Variants in NECAB1 observed in about 807,000 individuals in gnomAD.
NECAB1 encodes the protein N-terminal EF-hand calcium binding protein 1.
In NECAB1, 29 loss-of-function variants were observed where a neutral mutation model predicts 57.5. The observed-to-expected ratio is 0.50, with a 90% CI of 0.38 to 0.69. The LOEUF (loss-of-function observed/expected upper bound fraction) is 0.69. NECAB1 is among the 30% of genes least tolerant of loss of function. The pLI, the probability that NECAB1 is intolerant of heterozygous loss-of-function variation, is 0.00. For missense variants in NECAB1, 372 were observed against 413.8 expected (o/e 0.90, Z 0.88); for synonymous variants, 142 against 147.7 (o/e 0.96, Z 0.28).
intron 8 of NECAB1, among the ~76,000 whole-genome samples, chr8:90,930,359 T>G (rs1223675202): frequency 6.6e-6 from 1 of 152,210 alleles, no homozygotes; most frequent in East Asian, 1.9e-4. Flanking sequence ...CAATTAATTG[T>G]ACCATTAACA....
chr8:90,805,026 G>T (rs1811824897), intron 2 of NECAB1, among the ~76,000 whole-genome samples: 1 of 152,168 alleles, frequency 6.6e-6, no homozygotes, highest in Non-Finnish European at 1.5e-5. Context: ...TTTTTCTTCT[G>T]TGATGACTTG....
intron 3 of NECAB1, among the ~76,000 whole-genome samples, chr8:90,846,908 C>T (rs1001672622): frequency 6.6e-6 from 1 of 152,046 alleles, no homozygotes; most frequent in Non-Finnish European, 1.5e-5. Flanking sequence ...ATGGGAGCTA[C>T]AATTCAAGAT....
chr8:90,795,395 G>A (rs973505348), intron 1 of NECAB1, among the ~76,000 whole-genome samples: 1 of 152,084 alleles, frequency 6.6e-6, no homozygotes, highest in African/African-American at 2.4e-5. Context: ...TGCTAAAGAG[G>A]GAAAGAGGCT....
intron 5 of NECAB1, among the ~76,000 whole-genome samples, chr8:90,894,139 G>A (rs999055515): frequency 2.0e-5 from 3 of 152,118 alleles, no homozygotes; most frequent in African/African-American, 7.2e-5. Flanking sequence ...ATCATATAAA[G>A]TGGACAAATA....
intron 5 of NECAB1, among the ~76,000 whole-genome samples, chr8:90,906,891 A>ATATATATATGTATATATATATGTG (rs1809680511): frequency 8.8e-6 from 1 of 113,414 alleles, no homozygotes; most frequent in African/African-American, 4.0e-5. Context: ...ATATATATAT[A>ATATATATATGTATATATATATGTG]TATATATATA....
rs535653281 is a variant in NECAB1, at chr8:90,895,185, A to G, written c.357+14055A>G. Among the ~76,000 whole-genome samples, 539 of 152,362 alleles carry G rather than the reference A, an allele frequency of 3.5e-3. 4 individuals are homozygous for G. The highest frequency in any genetic ancestry group is 6.5e-3 in the Non-Finnish European group (444 of 68,026). ...AAAGGAACAACTAAAAGGGAAGCAC[A>G]GCACCTAGTCAGCCATCTCCTTGTT... On this transcript the variant is annotated intron_variant, in intron 5 of 12. Transcript: ENST00000417640.
chr8:90,908,528 CAA>C (rs1437191259), intron 5 of NECAB1, among the ~76,000 whole-genome samples: 2 of 152,028 alleles, frequency 1.3e-5, no homozygotes, highest in African/African-American at 4.8e-5. Context: ...TACTGCCTGC[CAA>C]AGAGTCCTGT....
intron 3 of NECAB1, among the ~76,000 whole-genome samples, chr8:90,836,303 G>A (rs1178688727): frequency 6.6e-6 from 1 of 152,108 alleles, no homozygotes; most frequent in African/African-American, 2.4e-5. Context: ...CTCTTAAAAG[G>A]TTTCTCACTG....
intron 9 of NECAB1, among the ~76,000 whole-genome samples, chr8:90,936,709 A>G (rs1169348441): frequency 6.6e-6 from 1 of 152,198 alleles, no homozygotes; most frequent in African/African-American, 2.4e-5. Context: ...GCACACAGCA[A>G]AAGTCCTGAA....
Position 90,881,087 on chromosome 8 carries a change from A to T in NECAB1, c.314A>T (p.Asp105Val). The T allele has an allele frequency of 6.2e-7, 1 of 1,607,882 alleles. No homozygotes were observed. The highest frequency in any genetic ancestry group is 8.5e-7 in the Non-Finnish European group (1 of 1,177,006). Reference sequence around the variant, plus strand: ...GAGAATGTACTAGCAGCACTTGAAGACCTGAATCTTTCCATCCTGAAGGCA... The same window carrying T: ...GAGAATGTACTAGCAGCACTTGAAGTCCTGAATCTTTCCATCCTGAAGGCA... Reference protein sequence around the residue: ...EYENVLAALEDLNLSILKAMG... With the variant: ...EYENVLAALEVLNLSILKAMG... Residue 105 changes from aspartate (D) to valine (V), a missense_variant, in exon 5 of 13, where the codon GAC becomes GTC. By Grantham distance (152) the Asp-to-Val change is radical. Transcript: ENST00000417640.
intron 2 of NECAB1, among the ~76,000 whole-genome samples, chr8:90,811,812 G>A (rs541990451): frequency 6.6e-6 from 1 of 152,170 alleles, no homozygotes; most frequent in Non-Finnish European, 1.5e-5. Context: ...AGAATAAAGA[G>A]AGAATTTCTC....
intron 8 of NECAB1, among the ~76,000 whole-genome samples, chr8:90,929,316 G>A (rs1376334636): frequency 6.6e-6 from 1 of 152,140 alleles, no homozygotes; most frequent in Non-Finnish European, 1.5e-5. Flanking sequence ...CTTAAAAATG[G>A]TGACTTAATT....
chr8:90,925,205 C>T (rs1810230602), intron 6 of NECAB1, among the ~76,000 whole-genome samples: 1 of 152,022 alleles, frequency 6.6e-6, no homozygotes, highest in African/African-American at 2.4e-5. Flanking sequence ...AGAAAAAACT[C>T]CATAAGTGTT....
At chr8:90,883,812 T>G (rs920894114) in intron 5 of NECAB1, among the ~76,000 whole-genome samples, 4 of 152,216 alleles carry the variant, frequency 2.6e-5, no homozygotes, top group Admixed American at 1.3e-4. Flanking sequence ...ATTTGGAATG[T>G]CTCACATACA....
intron 5 of NECAB1, among the ~76,000 whole-genome samples, chr8:90,885,366 T>C (rs1172802310): frequency 6.6e-6 from 1 of 152,178 alleles, no homozygotes; most frequent in Non-Finnish European, 1.5e-5. Context: ...CCCACCAGAC[T>C]CTTGGTGACT....
At chr8:90,921,374 G>C (rs1810106356) in intron 6 of NECAB1, among the ~76,000 whole-genome samples, 1 of 152,040 alleles carries the variant, frequency 6.6e-6, no homozygotes, top group Non-Finnish European at 1.5e-5. Context: ...ACAGTCAAGA[G>C]TTGCAACCTG....
chr8:90,808,016 GA>G (rs1439382705), intron 2 of NECAB1, among the ~76,000 whole-genome samples: 1 of 126,420 alleles, frequency 7.9e-6, no homozygotes, highest in Non-Finnish European at 1.6e-5. Context: ...TTCATAGTAT[GA>G]CTTTTTTTTT....
intron 5 of NECAB1, among the ~76,000 whole-genome samples, chr8:90,912,552 T>C (rs1809854523): frequency 1.3e-5 from 2 of 152,220 alleles, no homozygotes; most frequent in African/African-American, 4.8e-5. Flanking sequence ...GAATCTATCA[T>C]TTCCTTAATC....
chr8:90,877,143 C>T (rs961215364), intron 4 of NECAB1, among the ~76,000 whole-genome samples: 2 of 152,152 alleles, frequency 1.3e-5, no homozygotes, highest in Non-Finnish European at 2.9e-5. Flanking sequence ...AAATATGTCA[C>T]TGTCCTTCCC....
Sources: gnomAD v4.1 joint callset for allele counts (sites outside exome capture counted in the v4.1 genomes callset) on GRCh38, gnomAD v4.1.1 for gene constraint, MANE v1.5 for transcripts, NCBI Gene and HGNC (gene_info 2026-07-23, HGNC 2026-07-21) for gene names.